Variants in DAP observed in about 807,000 individuals in gnomAD.
The protein encoded by DAP is death-associated protein 1.
Under a neutral mutation model 13.8 loss-of-function variants are expected in DAP, and 8 were observed. The observed-to-expected ratio is 0.58, with a 90% CI of 0.34 to 1.05. The LOEUF is 1.05. DAP is among the 50% of genes least tolerant of loss of function. The pLI, the probability that DAP is intolerant of heterozygous loss-of-function variation, is 0.03. For missense variants in DAP, 106 were observed against 133.2 expected (o/e 0.80, Z 1.01); for synonymous variants, 47 against 47.5 (o/e 0.99, Z 0.04).
intron 2 of DAP, among the ~76,000 whole-genome samples, chr5:10,696,164 G>A (rs557298138): frequency 6.6e-6 from 1 of 152,234 alleles, no homozygotes; most frequent in African/African-American, 2.4e-5. Context: ...GCAAAGAAGG[G>A]GAAATAACAA....
At chr5:10,742,001 G>A (rs185332679) in intron 2 of DAP, among the ~76,000 whole-genome samples, 169 of 152,314 alleles carry the variant, frequency 1.1e-3, no homozygotes, top group African/African-American at 3.6e-3. Flanking sequence ...TGTTGACTAC[G>A]TAAATATCGT....
chr5:10,690,124 A>G (rs925343567), intron 2 of DAP, among the ~76,000 whole-genome samples: 1 of 152,160 alleles, frequency 6.6e-6, no homozygotes, highest in Admixed American at 6.5e-5. Context: ...TTTTTACACA[A>G]TATTCAAGAA....
In DAP at chr5:10,680,827, G is replaced by A. The variant is rs1271701795; in HGVS notation, c.*229C>T. Reference sequence around the variant, plus strand: ...AAATTCTGCTAATGGCACCTCTAGGGGCACAATGATCCTCAAATGACATCC... The same window carrying A: ...AAATTCTGCTAATGGCACCTCTAGGAGCACAATGATCCTCAAATGACATCC... On this transcript the variant is annotated 3_prime_UTR_variant, in exon 4 of 4. Coordinates refer to ENST00000230895, the MANE Select transcript of DAP (RefSeq NM_004394.3). 1 of 1,536,694 alleles carries A rather than the reference G, an allele frequency of 6.5e-7. No individual in the cohort carries two copies. Among genetic ancestry groups the A allele is most frequent in the Non-Finnish European group, 8.7e-7 (1 of 1,147,060 alleles).
chr5:10,715,324 G>A (rs984232761), intron 2 of DAP, among the ~76,000 whole-genome samples: 5 of 152,130 alleles, frequency 3.3e-5, no homozygotes, highest in Non-Finnish European at 7.3e-5. Flanking sequence ...AGATTACAGG[G>A]CCCAGGACAG....
intron 2 of DAP, among the ~76,000 whole-genome samples, chr5:10,684,033 A>G (rs1053227332): frequency 8.5e-5 from 13 of 152,208 alleles, no homozygotes; most frequent in Admixed American, 3.3e-4. Context: ...TATGTTGCCC[A>G]GGCTAGTCTC....
chr5:10,732,995 T>G (rs1739503251), intron 2 of DAP, among the ~76,000 whole-genome samples: 1 of 152,168 alleles, frequency 6.6e-6, no homozygotes. Context: ...ATTCTAACTT[T>G]CTATGAGTCT....
At chr5:10,759,160 G>A (rs1471405725) in intron 1 of DAP, among the ~76,000 whole-genome samples, 1 of 152,208 alleles carries the variant, frequency 6.6e-6, no homozygotes, top group Non-Finnish European at 1.5e-5. Flanking sequence ...GCACTCCCAG[G>A]TGACAGAGTG....
intron 1 of DAP, among the ~76,000 whole-genome samples, chr5:10,758,618 C>A (rs1310337514): frequency 2.6e-5 from 4 of 152,126 alleles, no homozygotes; most frequent in Non-Finnish European, 4.4e-5. Context: ...TGAAGCGGGA[C>A]GTGAGACTCA....
intron 2 of DAP, among the ~76,000 whole-genome samples, chr5:10,709,263 G>A (rs914429372): frequency 6.6e-6 from 1 of 152,246 alleles, no homozygotes; most frequent in Non-Finnish European, 1.5e-5. Context: ...TATTCAGGAC[G>A]TGTACATGCA....
intron 2 of DAP, among the ~76,000 whole-genome samples, chr5:10,735,613 C>T (rs1391205313): frequency 6.6e-6 from 1 of 152,168 alleles, no homozygotes; most frequent in African/African-American, 2.4e-5. Context: ...ATGCAGAAAA[C>T]ATTTTTCTTA....
chr5:10,708,887 T>C (rs568263667), intron 2 of DAP, among the ~76,000 whole-genome samples: 2 of 152,362 alleles, frequency 1.3e-5, no homozygotes, highest in South Asian at 4.1e-4. Context: ...GAGTAAAACC[T>C]TATTTCGTTG....
chr5:10,752,140 G>T (rs1027036873), intron 1 of DAP, among the ~76,000 whole-genome samples: 30 of 152,238 alleles, frequency 2.0e-4, no homozygotes, highest in Admixed American at 1.5e-3. Context: ...CTGCAGGGCA[G>T]CCTGTCCGCT....
chr5:10,724,429 T>C (rs923802571), intron 2 of DAP, among the ~76,000 whole-genome samples: 2 of 152,206 alleles, frequency 1.3e-5, no homozygotes, highest in Admixed American at 6.5e-5. Flanking sequence ...AAAAGTCCCA[T>C]AAGAGAAAGA....
intron 2 of DAP, among the ~76,000 whole-genome samples, chr5:10,722,897 C>G (rs535816778): frequency 1.3e-5 from 2 of 152,294 alleles, no homozygotes; most frequent in Admixed American, 6.5e-5. Flanking sequence ...AAGGAGCCCA[C>G]AGAACCGAAT....
At chr5:10,743,930 T>C (rs1302473976) in intron 2 of DAP, among the ~76,000 whole-genome samples, 1 of 152,214 alleles carries the variant, frequency 6.6e-6, no homozygotes, top group Non-Finnish European at 1.5e-5. Context: ...CAAAACAACT[T>C]GGTAGCATAA....
intron 1 of DAP, 138 bp from the exon 2 acceptor site, chr5:10,748,409 G>A: frequency 4.4e-6 from 3 of 675,236 alleles, no homozygotes; most frequent in Non-Finnish European, 8.0e-6. Context: ...TGATTAACTA[G>A]GGAAGGTCAG....
intron 2 of DAP, among the ~76,000 whole-genome samples, chr5:10,688,620 C>T (rs530391100): frequency 6.6e-6 from 1 of 152,286 alleles, no homozygotes; most frequent in East Asian, 1.9e-4. Context: ...GTTAAAATCA[C>T]TTGTACTTCT....
chr5:10,752,545 T>TA (rs1407981708), intron 1 of DAP, among the ~76,000 whole-genome samples: 2 of 152,172 alleles, frequency 1.3e-5, no homozygotes, highest in Non-Finnish European at 2.9e-5. Flanking sequence ...GCTTCAAATG[T>TA]AAAAAATAAG....
intron 2 of DAP, among the ~76,000 whole-genome samples, chr5:10,745,834 G>A (rs267947): frequency 0.93 from 141,684 of 152,206 alleles, 66,259 homozygotes; most frequent in Non-Finnish European, 0.97. Context: ...TTTCTTCCTT[G>A]GGGAAACAGA....
Sources: gnomAD v4.1 joint callset for allele counts (sites outside exome capture counted in the v4.1 genomes callset) on GRCh38, gnomAD v4.1.1 for gene constraint, MANE v1.5 for transcripts, NCBI Gene and HGNC (gene_info 2026-07-23, HGNC 2026-07-21) for gene names.